FYN: variants seen among roughly 807,000 people sequenced by gnomAD.
FYN encodes the protein FYN proto-oncogene, Src family tyrosine kinase.
Under a neutral mutation model 70.2 loss-of-function variants are expected in FYN, and 10 were observed. That is an observed-to-expected ratio of 0.14 (90% CI 0.09 to 0.24). The LOEUF is 0.24. Ranked by LOEUF, FYN falls within the 10% of genes least tolerant of loss-of-function variation. FYN has a pLI of 1.00. For missense variants in FYN, 319 were observed against 673.1 expected (o/e 0.47, Z 5.82); for synonymous variants, 236 against 248.6 (o/e 0.95, Z 0.48).
chr6:111,680,979 G>C (rs1798754142), intron 12 of FYN, among the ~76,000 whole-genome samples: 1 of 151,878 alleles, frequency 6.6e-6, no homozygotes, highest in Non-Finnish European at 1.5e-5. Flanking sequence ...CTCCTGAGTA[G>C]CTAGGATGCT....
intron 3 of FYN, among the ~76,000 whole-genome samples, chr6:111,769,654 G>A (rs1803367011): frequency 6.6e-6 from 1 of 152,096 alleles, no homozygotes. Context: ...TTCTGCTGTG[G>A]TCCTGGGGAG....
At chr6:111,692,909 G>A (rs1799400877) in intron 12 of FYN, among the ~76,000 whole-genome samples, 1 of 152,184 alleles carries the variant, frequency 6.6e-6, no homozygotes, top group African/African-American at 2.4e-5. Flanking sequence ...CAAAGCTGCA[G>A]TGCGCCTTTG....
At chr6:111,706,239 C>A (rs1800087468) in intron 6 of FYN, among the ~76,000 whole-genome samples, 1 of 152,166 alleles carries the variant, frequency 6.6e-6, no homozygotes, top group African/African-American at 2.4e-5. Flanking sequence ...CAGGTGCCCC[C>A]AAAACCCAAG....
At chr6:111,703,974 C>G (rs1329006319) in intron 7 of FYN, 25 bp downstream of exon 7, 1 of 1,568,048 alleles carries the variant, frequency 6.4e-7, no homozygotes, top group African/African-American at 1.4e-5. Context: ...AATGACAAGC[C>G]AACTTCTTCA....
chr6:111,758,642 T>C (rs1802856116), intron 3 of FYN, among the ~76,000 whole-genome samples: 1 of 152,244 alleles, frequency 6.6e-6, no homozygotes, highest in Non-Finnish European at 1.5e-5. Flanking sequence ...TGTTCTCCAC[T>C]GGGCATTTGC....
At position 111,777,254 on chromosome 6, in the gene FYN, T is replaced by C. The variant is rs150734271; in HGVS notation, c.-12+3312A>G. 3.9e-4 allele frequency among the ~76,000 whole-genome samples: 59 copies of C among 152,320 alleles called. 1 individual carries two copies. The highest frequency in any genetic ancestry group is 1.3e-3 in the African/African-American group (54 of 41,578). On this transcript the variant is annotated intron_variant, in intron 3 of 13. Transcript: ENST00000354650. The stretch of plus-strand genomic sequence containing the variant: ...ATTTTTCGCTTGGAGTTAGGGGTAA[T>C]AGAAGGGATAGCCTCTTAGCAGCCT...
At chr6:111,662,055 T>G (rs1797759745) in intron 13 of FYN, 108 bp from the exon 14 acceptor site, 1 of 867,396 alleles carries the variant, frequency 1.2e-6, no homozygotes. Flanking sequence ...GGCTAAAACA[T>G]GCGGAGTACT....
intron 2 of FYN, among the ~76,000 whole-genome samples, chr6:111,825,374 A>G (rs1052470467): frequency 6.6e-6 from 1 of 152,208 alleles, no homozygotes; most frequent in African/African-American, 2.4e-5. Context: ...AACATAGGAG[A>G]CAGAGCACAG....
intron 13 of FYN, among the ~76,000 whole-genome samples, chr6:111,668,310 T>C (rs1057190905): frequency 2.0e-5 from 3 of 152,170 alleles, no homozygotes; most frequent in Non-Finnish European, 4.4e-5. Context: ...AAAGAACTTA[T>C]CTTGAGAAGG....
At chr6:111,673,139 C>T (rs75822547) in intron 13 of FYN, among the ~76,000 whole-genome samples, 3,434 of 152,290 alleles carry the variant, frequency 0.023, 36 homozygotes, top group South Asian at 0.036. Context: ...GATGCCTTCA[C>T]ATCCTCGCCC....
intron 2 of FYN, among the ~76,000 whole-genome samples, chr6:111,840,539 A>T (rs1773325896): frequency 6.6e-6 from 1 of 152,196 alleles, no homozygotes; most frequent in African/African-American, 2.4e-5. Context: ...TGGGGGAATA[A>T]ATCTCTGTTG....
At chr6:111,833,509 G>A (rs1171148155) in intron 2 of FYN, among the ~76,000 whole-genome samples, 1 of 152,168 alleles carries the variant, frequency 6.6e-6, no homozygotes, top group Non-Finnish European at 1.5e-5. Context: ...AGGGAAAACT[G>A]AGTGAAAACA....
intron 3 of FYN, chr6:111,758,863 C>T (rs1802868009): frequency 6.6e-6 from 1 of 152,364 alleles, no homozygotes; most frequent in Admixed American, 6.5e-5. Context: ...CTCTGATTAG[C>T]AACTTTCTCC....
Position 111,696,402 on chromosome 6 carries a change from A to T in FYN, c.917T>A (p.Met306Lys), listed in dbSNP as rs1238046784. The T allele has an allele frequency of 6.2e-7, 1 of 1,612,760 alleles. No individual in the cohort carries two copies. The highest frequency in any genetic ancestry group is 8.5e-7 in the Non-Finnish European group (1 of 1,179,512). ...VAIKTLKPGTMSPESFLEEAQ... is the reference protein window; with the variant it reads ...VAIKTLKPGTKSPESFLEEAQ... ...TTCCTCAAGGAATGATTCGGGGGACATTGTGCCTGGTTTAAGAGTCTTTAT... is the reference window on the plus strand; with the variant it reads ...TTCCTCAAGGAATGATTCGGGGGACTTTGTGCCTGGTTTAAGAGTCTTTAT... The change falls in exon 10 of 14, where the codon ATG becomes AAG. Residue 306 changes from methionine (M) to lysine (K), a missense_variant. This residue lies in a region of FYN where 112 missense variants were observed against 250.2 expected (regional missense o/e 0.45). Coordinates refer to ENST00000354650, the MANE Select transcript of FYN (RefSeq NM_002037.5).
chr6:111,725,543 G>A (rs1002942470), intron 3 of FYN, among the ~76,000 whole-genome samples: 6 of 152,202 alleles, frequency 3.9e-5, no homozygotes, highest in African/African-American at 1.4e-4. Context: ...GGGATCACAA[G>A]CATTTCCCAA....
intron 12 of FYN, among the ~76,000 whole-genome samples, chr6:111,689,361 G>A (rs1463366619): frequency 6.6e-6 from 1 of 152,206 alleles, no homozygotes; most frequent in Non-Finnish European, 1.5e-5. Context: ...CACTAAGTGT[G>A]TATTCACCTT....
intron 12 of FYN, among the ~76,000 whole-genome samples, chr6:111,684,650 T>G (rs1034271233): frequency 6.6e-6 from 1 of 152,190 alleles, no homozygotes; most frequent in Non-Finnish European, 1.5e-5. Flanking sequence ...GAGGAAACTC[T>G]GGGCTGCTTG....
intron 1 of FYN, among the ~76,000 whole-genome samples, chr6:111,849,176 T>A (rs1773615037): frequency 6.6e-6 from 1 of 152,208 alleles, no homozygotes; most frequent in Non-Finnish European, 1.5e-5. Flanking sequence ...ATAACTGAAG[T>A]GACCCAGATA....
chr6:111,810,768 A>G (rs1308152678), intron 2 of FYN, among the ~76,000 whole-genome samples: 1 of 152,148 alleles, frequency 6.6e-6, no homozygotes, highest in Non-Finnish European at 1.5e-5. Flanking sequence ...GCAGAAATGA[A>G]TGCTGCCTGG....
Sources: allele counts gnomAD v4.1 joint callset (sites outside exome capture counted in the v4.1 genomes callset), GRCh38; gene constraint gnomAD v4.1.1; regional missense constraint gnomAD v4.1.1; transcripts MANE v1.5; gene names NCBI Gene and HGNC (gene_info 2026-07-23, HGNC 2026-07-21).